Variants in MTRF1 observed in about 807,000 individuals in gnomAD.
The protein encoded by MTRF1 is mitochondrial translation release factor 1, also known as peptide chain release factor 1, mitochondrial.
Under a neutral mutation model 62.9 loss-of-function variants are expected in MTRF1, and 51 were observed. That is an observed-to-expected ratio of 0.81 (90% CI 0.65 to 1.02). The LOEUF is 1.02. MTRF1 is among the 50% of genes least tolerant of loss of function. The pLI is 0.00. For missense variants in MTRF1, 446 were observed against 530.0 expected, an observed-to-expected ratio of 0.84 and a Z score of 1.56; for synonymous variants, 158 against 181.9, an observed-to-expected ratio of 0.87 and a Z score of 1.06.
At chr13:41,249,399 G>T (rs1005008489) in intron 5 of MTRF1, among the ~76,000 whole-genome samples, 1 of 151,850 alleles carries the variant, frequency 6.6e-6, no homozygotes, top group African/African-American at 2.4e-5. Context: ...AAATTAGCCG[G>T]GCGTAGTGGC....
At chr13:41,225,656 T>C (rs2034273545) in intron 8 of MTRF1, among the ~76,000 whole-genome samples, 1 of 151,680 alleles carries the variant, frequency 6.6e-6, no homozygotes, top group African/African-American at 2.4e-5. Flanking sequence ...TAAATTACTG[T>C]AGCATAGCCA....
At chr13:41,233,361 T>G (rs1428651203) in intron 7 of MTRF1, among the ~76,000 whole-genome samples, 4 of 152,148 alleles carry the variant, frequency 2.6e-5, no homozygotes, top group Non-Finnish European at 5.9e-5. Flanking sequence ...CATTAGACTT[T>G]TAAAACCATA....
chr13:41,263,545 G>A lies in MTRF1; in HGVS notation c.-69C>T, dbSNP rs971171760. The A allele has an allele frequency of 3.3e-5, 7 of 214,440 alleles. No homozygotes were observed. The highest frequency in any genetic ancestry group is 4.9e-5 in the Non-Finnish European group (5 of 102,792). The allele number at this position is 214,440 out of a possible 1,614,324, so 13.3% of individuals were successfully genotyped here. On this transcript the variant is annotated 5_prime_UTR_variant, in exon 1 of 10. Transcript: ENST00000379480. ...CTGAGGTCGGAACCTTCCGAGACCC[G>A]CCACATTTCAGCCCGACAAACCCGA...
At chr13:41,231,569 A>T (rs1440665865) in intron 7 of MTRF1, among the ~76,000 whole-genome samples, 1 of 152,240 alleles carries the variant, frequency 6.6e-6, no homozygotes, top group Admixed American at 6.5e-5. Flanking sequence ...CAAACTCACA[A>T]GAGAAAAGGT....
At chr13:41,226,853 C>T (rs572132757) in intron 7 of MTRF1, among the ~76,000 whole-genome samples, 44 of 152,176 alleles carry the variant, frequency 2.9e-4, no homozygotes, top group Non-Finnish European at 4.9e-4. Flanking sequence ...TTCCTCCTAG[C>T]TCATCCGGGC....
At chr13:41,272,424 C>G in the MTRF1 span, among the ~76,000 whole-genome samples, 1 of 152,138 alleles carries the variant, frequency 6.6e-6, no homozygotes. Context: ...TTTTGTTTTT[C>G]CTCTTTTGCA....
intron 1 of MTRF1, chr13:41,261,821 A>T: frequency 1.0e-6 from 1 of 984,456 alleles, no homozygotes; most frequent in Non-Finnish European, 1.2e-6. Flanking sequence ...CGTTTAGCTG[A>T]GATCCTAAAG....
the MTRF1 span, among the ~76,000 whole-genome samples, chr13:41,272,133 C>T: frequency 6.6e-6 from 1 of 152,158 alleles, no homozygotes; most frequent in Non-Finnish European, 1.5e-5. Context: ...TAAAACAGAC[C>T]TTGAAAAACA....
At chr13:41,288,509 T>A in the MTRF1 span, among the ~76,000 whole-genome samples, 26 of 152,262 alleles carry the variant, frequency 1.7e-4, no homozygotes, top group Admixed American at 5.9e-4. Flanking sequence ...TTAATTCACA[T>A]GGACAATTGG....
intron 5 of MTRF1, among the ~76,000 whole-genome samples, chr13:41,247,303 G>A (rs985762160): frequency 3.3e-5 from 5 of 152,172 alleles, no homozygotes; most frequent in East Asian, 3.8e-4. Flanking sequence ...ATACCCTAAC[G>A]GAGGACAATG....
the MTRF1 span, among the ~76,000 whole-genome samples, chr13:41,277,927 A>G: frequency 6.6e-6 from 1 of 152,224 alleles, no homozygotes; most frequent in African/African-American, 2.4e-5. Flanking sequence ...ATGACAGGAC[A>G]CTGGGTCAAA....
chr13:41,252,880 A>G, intron 4 of MTRF1, 69 bp downstream of exon 4: 2 of 1,363,644 alleles, frequency 1.5e-6, no homozygotes, highest in Non-Finnish European at 2.1e-6. Flanking sequence ...TTTTAAAGTT[A>G]GTGTTATCAA....
intron 5 of MTRF1, among the ~76,000 whole-genome samples, chr13:41,244,266 A>C (rs2037937177): frequency 6.6e-6 from 1 of 152,232 alleles, no homozygotes; most frequent in Non-Finnish European, 1.5e-5. Context: ...AAGTGTTGTT[A>C]CTGAAAAGTC....
chr13:41,243,723 C>T (rs2037853206), intron 5 of MTRF1, among the ~76,000 whole-genome samples: 1 of 152,108 alleles, frequency 6.6e-6, no homozygotes, highest in Non-Finnish European at 1.5e-5. Flanking sequence ...TCTTTTCTAC[C>T]ACACTTTTAT....
chr13:41,217,257 CTAATGATTAGAAATATAAG>C, intron 9 of MTRF1, 29 bp from the exon 10 acceptor site: 2 of 1,280,552 alleles, frequency 1.6e-6, no homozygotes, highest in Non-Finnish European at 2.2e-6. Flanking sequence ...ATTATGAAAC[CTAATGATTAGAAATATAAG>C]CAAAGACTTT....
the MTRF1 span, among the ~76,000 whole-genome samples, chr13:41,295,041 G>T: frequency 6.6e-6 from 1 of 151,994 alleles, no homozygotes; most frequent in African/African-American, 2.4e-5. Flanking sequence ...AACTTTTACT[G>T]TACCTTGCTG....
At chr13:41,245,912 C>CT (rs907360712) in intron 5 of MTRF1, among the ~76,000 whole-genome samples, 3 of 152,280 alleles carry the variant, frequency 2.0e-5, no homozygotes, top group Admixed American at 6.5e-5. Context: ...TCCTGCTCAA[C>CT]TTTGATTCTC....
intron 2 of MTRF1, among the ~76,000 whole-genome samples, chr13:41,259,238 CA>C (rs1425934638): frequency 1.3e-5 from 2 of 152,082 alleles, no homozygotes; most frequent in Admixed American, 1.3e-4. Context: ...ATAGAGTTAC[CA>C]CATGAACCAG....
At chr13:41,242,743 A>G (rs2037685263) in intron 5 of MTRF1, among the ~76,000 whole-genome samples, 1 of 152,164 alleles carries the variant, frequency 6.6e-6, no homozygotes, top group Non-Finnish European at 1.5e-5. Flanking sequence ...CTTGGAAGAC[A>G]GAGATAGTGT....
Sources: allele counts gnomAD v4.1 joint callset (sites outside exome capture counted in the v4.1 genomes callset), GRCh38; gene constraint gnomAD v4.1.1; transcripts MANE v1.5; gene names NCBI Gene and HGNC (gene_info 2026-07-23, HGNC 2026-07-21).